TMEM135: variants seen among roughly 807,000 people sequenced by gnomAD.
TMEM135 encodes peroxisomal membrane protein 52.
Under a neutral mutation model 60.3 loss-of-function variants are expected in TMEM135, and 30 were observed. The ratio of observed to expected loss-of-function variants is 0.50; its 90% confidence interval spans 0.37 to 0.68. The LOEUF (loss-of-function observed/expected upper bound fraction) is 0.68. Among genes scored for constraint, TMEM135 ranks in the 30% least tolerant of loss-of-function variants. The pLI, the probability that TMEM135 is intolerant of heterozygous loss-of-function variation, is 0.00. For missense variants in TMEM135, 468 were observed against 548.8 expected (o/e 0.85, Z 1.47); for synonymous variants, 190 against 186.7 (o/e 1.02, Z -0.14).
In TMEM135 at chr11:87,188,712, A is replaced by AAG. The variant is rs533713328; in HGVS notation, c.462+31307_462+31308insGA. Among the ~76,000 whole-genome samples, 8 of 151,784 alleles carry AAG rather than the reference A, an allele frequency of 5.3e-5. No homozygotes were observed. The South Asian group carries it at 1.7e-3, about 32-fold the overall frequency. On this transcript the variant is annotated intron_variant, in intron 5 of 14. Coordinates refer to ENST00000305494, the MANE Select transcript of TMEM135 (RefSeq NM_022918.4). The stretch of plus-strand genomic sequence containing the variant: ...AGAGTGAAACTCAGTCTCAAAAAAA[A>AAG]AAAAATTATAGAAGCAATATACACT...
intron 5 of TMEM135, among the ~76,000 whole-genome samples, chr11:87,203,173 C>CT (rs1185616030): frequency 6.6e-6 from 1 of 151,884 alleles, no homozygotes; most frequent in African/African-American, 2.4e-5. Context: ...AGACTGGACA[C>CT]TTGTTACAAT....
intron 5 of TMEM135, among the ~76,000 whole-genome samples, chr11:87,202,012 A>T (rs2451054): frequency 0.2 from 4,777 of 24,032 alleles, 193 homozygotes; most frequent in East Asian, 0.38. Flanking sequence ...TATGTTATGT[A>T]ATGTTATGTT....
intron 4 of TMEM135, among the ~76,000 whole-genome samples, chr11:87,101,869 A>C (rs545586358): frequency 1.3e-5 from 2 of 152,330 alleles, no homozygotes; most frequent in Admixed American, 1.3e-4. Flanking sequence ...GCTACTCGGG[A>C]GACTGAGGCA....
At chr11:87,094,352 C>T (rs1241990299) in intron 4 of TMEM135, among the ~76,000 whole-genome samples, 2 of 152,188 alleles carry the variant, frequency 1.3e-5, no homozygotes, top group Admixed American at 6.5e-5. Context: ...TTTCTTCTTA[C>T]AGCCTAGGAC....
At chr11:87,067,072 G>T (rs186865648) in intron 1 of TMEM135, among the ~76,000 whole-genome samples, 3 of 149,480 alleles carry the variant, frequency 2.0e-5, no homozygotes, top group African/African-American at 7.3e-5. Context: ...GAGCCACCGC[G>T]CCCGGCCTAG....
intron 4 of TMEM135, among the ~76,000 whole-genome samples, chr11:87,101,700 C>T (rs113958162): frequency 0.015 from 2,286 of 152,270 alleles, 62 homozygotes; most frequent in African/African-American, 0.053. Flanking sequence ...TCAGCCTAGG[C>T]ACAGTGGCTC....
chr11:87,106,829 C>T (rs1212933174), intron 4 of TMEM135, among the ~76,000 whole-genome samples: 2 of 152,130 alleles, frequency 1.3e-5, no homozygotes, highest in Admixed American at 6.5e-5. Context: ...GTTCTGCAGG[C>T]TCACGGTTCT....
Position 87,125,787 on chromosome 11 carries a change from G to A in TMEM135, c.397-31554G>A, listed in dbSNP as rs138193149. Among the ~76,000 whole-genome samples, 18 of 152,244 alleles carry A rather than the reference G, an allele frequency of 1.2e-4. No individual in the cohort carries two copies. In the East Asian group the frequency reaches 1.7e-3, roughly 15 times the overall value. ...TGGACAGCAGTTTTAGAAGATGGGG[G>A]TCAGTTCTCAGACTACTGCATCAAA... is the stretch of plus-strand genomic sequence containing the variant. On this transcript the variant is annotated intron_variant, in intron 4 of 14. Coordinates refer to ENST00000305494, the MANE Select transcript of TMEM135 (RefSeq NM_022918.4).
chr11:87,083,752 A>G (rs1857035998), intron 3 of TMEM135, among the ~76,000 whole-genome samples: 1 of 152,140 alleles, frequency 6.6e-6, no homozygotes, highest in Non-Finnish European at 1.5e-5. Flanking sequence ...CTTGCTCTAG[A>G]TTAGAAATTT....
chr11:87,292,783 T>C (rs747685496), intron 6 of TMEM135, among the ~76,000 whole-genome samples: 1 of 152,238 alleles, frequency 6.6e-6, no homozygotes, highest in African/African-American at 2.4e-5. Context: ...TAAGACTTTA[T>C]CAATATGAAG....
At chr11:87,298,628 A>G (rs1357221819) in intron 7 of TMEM135, among the ~76,000 whole-genome samples, 3 of 151,574 alleles carry the variant, frequency 2.0e-5, no homozygotes, top group Non-Finnish European at 4.4e-5. Context: ...CTCTATTAAA[A>G]ATACAAAAAT....
intron 1 of TMEM135, among the ~76,000 whole-genome samples, chr11:87,038,402 G>C (rs1949722447): frequency 6.6e-6 from 1 of 152,108 alleles, no homozygotes; most frequent in Non-Finnish European, 1.5e-5. Context: ...GGGAATTAGA[G>C]ATTGAGCTGT....
chr11:87,112,421 A>G (rs1857778590), intron 4 of TMEM135, among the ~76,000 whole-genome samples: 1 of 152,114 alleles, frequency 6.6e-6, no homozygotes, highest in African/African-American at 2.4e-5. Flanking sequence ...ACCGTATTTC[A>G]CAGAGTTTTT....
At chr11:87,112,611 A>T (rs146346815) in intron 4 of TMEM135, among the ~76,000 whole-genome samples, 4 of 152,258 alleles carry the variant, frequency 2.6e-5, no homozygotes, top group African/African-American at 4.8e-5. Context: ...ACAATCTTGT[A>T]TGTAAAATTA....
chr11:87,211,196 A>C (rs1300418374), intron 5 of TMEM135, among the ~76,000 whole-genome samples: 2 of 152,224 alleles, frequency 1.3e-5, no homozygotes. Flanking sequence ...TGAACTTCAA[A>C]GACTTAGTAC....
At chr11:87,282,102 G>A (rs543484196) in intron 6 of TMEM135, among the ~76,000 whole-genome samples, 2 of 152,300 alleles carry the variant, frequency 1.3e-5, no homozygotes, top group South Asian at 2.1e-4. Context: ...GAGGTCTGGA[G>A]TGGGGACCAA....
chr11:87,068,746 G>A (rs530078774), intron 2 of TMEM135, among the ~76,000 whole-genome samples: 2 of 150,868 alleles, frequency 1.3e-5, no homozygotes, highest in South Asian at 4.2e-4. Flanking sequence ...GGGAGGCGGA[G>A]CTTGCAGTGA....
At chr11:87,227,946 G>A (rs868577388) in intron 5 of TMEM135, among the ~76,000 whole-genome samples, 14 of 152,224 alleles carry the variant, frequency 9.2e-5, no homozygotes, top group African/African-American at 1.4e-4. Flanking sequence ...TATCAATAAC[G>A]TATCTACGTA....
At chr11:87,255,697 A>G (rs1941514737) in intron 6 of TMEM135, among the ~76,000 whole-genome samples, 1 of 152,142 alleles carries the variant, frequency 6.6e-6, no homozygotes, top group Non-Finnish European at 1.5e-5. Context: ...AAAAATTATC[A>G]TAGCCAAAGA....
Sources: gnomAD v4.1 joint callset for allele counts (sites outside exome capture counted in the v4.1 genomes callset) on GRCh38, gnomAD v4.1.1 for gene constraint, MANE v1.5 for transcripts, NCBI Gene and HGNC (gene_info 2026-07-23, HGNC 2026-07-21) for gene names.